KCNIP4: variants seen among roughly 807,000 people sequenced by gnomAD.
The protein encoded by KCNIP4 is Kv channel-interacting protein 4.
In KCNIP4, 12 loss-of-function variants were observed where a neutral mutation model predicts 34.0. That is an observed-to-expected ratio of 0.35 (90% CI 0.23 to 0.57). KCNIP4 has a LOEUF of 0.57. Among genes scored for constraint, KCNIP4 ranks in the 20% least tolerant of loss-of-function variants. KCNIP4 has a pLI of 0.83. For missense variants in KCNIP4, 238 were observed against 311.7 expected (o/e 0.76, Z 1.78); for synonymous variants, 124 against 102.2 (o/e 1.21, Z -1.29).
At chr4:20,995,973 G>A (rs1307389519) in intron 1 of KCNIP4, among the ~76,000 whole-genome samples, 3 of 152,176 alleles carry the variant, frequency 2.0e-5, no homozygotes, top group African/African-American at 7.2e-5. Flanking sequence ...GGCAGGAGAG[G>A]AGTAAGAAAG....
chr4:20,944,945 C>G (rs1560590017), intron 1 of KCNIP4, among the ~76,000 whole-genome samples: 1 of 152,188 alleles, frequency 6.6e-6, no homozygotes, highest in Non-Finnish European at 1.5e-5. Context: ...ATAACTTCCC[C>G]AATGATCCTA....
intron 1 of KCNIP4, among the ~76,000 whole-genome samples, chr4:21,139,797 T>G (rs1751803233): frequency 6.6e-6 from 1 of 152,302 alleles, no homozygotes; most frequent in South Asian, 2.1e-4. Context: ...TCCTACACAC[T>G]AAATACCTCC....
chr4:21,084,211 C>T (rs949923660), intron 1 of KCNIP4, among the ~76,000 whole-genome samples: 1 of 150,050 alleles, frequency 6.7e-6, no homozygotes, highest in African/African-American at 2.5e-5. Context: ...GGTCCATCAG[C>T]GTATCCTAAC....
chr4:21,210,533 A>T (rs765937492), intron 1 of KCNIP4, among the ~76,000 whole-genome samples: 5 of 152,366 alleles, frequency 3.3e-5, no homozygotes, highest in African/African-American at 4.8e-5. Context: ...TAAATTATTT[A>T]AAAAATCTTA....
chr4:21,034,477 G>T (rs1011537651), intron 1 of KCNIP4, among the ~76,000 whole-genome samples: 1 of 152,150 alleles, frequency 6.6e-6, no homozygotes, highest in South Asian at 2.1e-4. Context: ...ATGGTCTTTA[G>T]CTTCAGCCAA....
intron 1 of KCNIP4, among the ~76,000 whole-genome samples, chr4:21,599,826 C>T (rs12504857): frequency 6.6e-6 from 1 of 151,932 alleles, no homozygotes; most frequent in African/African-American, 2.4e-5. Flanking sequence ...GTTTAAGAAG[C>T]CAGGATTTGG....
At chr4:21,094,629 A>T (rs949395437) in intron 1 of KCNIP4, among the ~76,000 whole-genome samples, 8 of 152,172 alleles carry the variant, frequency 5.3e-5, no homozygotes, top group African/African-American at 1.9e-4. Context: ...GACTTGTGTA[A>T]CCAATATGTT....
chr4:21,690,136 T>C (rs1004322419), intron 1 of KCNIP4, among the ~76,000 whole-genome samples: 1 of 146,568 alleles, frequency 6.8e-6, no homozygotes. Context: ...TTTTATATTA[T>C]ATATATATAT....
chr4:21,047,385 G>T (rs562229141), intron 1 of KCNIP4, among the ~76,000 whole-genome samples: 3 of 152,170 alleles, frequency 2.0e-5, no homozygotes, highest in African/African-American at 7.2e-5. Context: ...ATAATGAAAT[G>T]ATAGCTACCA....
chr4:21,381,020 C>T (rs1479911768), intron 1 of KCNIP4, among the ~76,000 whole-genome samples: 1 of 152,126 alleles, frequency 6.6e-6, no homozygotes, highest in African/African-American at 2.4e-5. Context: ...AGTCAAAGCT[C>T]TTGTTTATTG....
At chr4:21,934,953 C>T (rs1369903800) in intron 1 of KCNIP4, among the ~76,000 whole-genome samples, 3 of 152,110 alleles carry the variant, frequency 2.0e-5, no homozygotes, top group Admixed American at 2.0e-4. Context: ...ATGCTTTTGA[C>T]CCTATGTGCA....
At chr4:21,677,064 T>C (rs138832149) in intron 1 of KCNIP4, among the ~76,000 whole-genome samples, 55 of 150,750 alleles carry the variant, frequency 3.6e-4, no homozygotes, top group Admixed American at 1.5e-3. Context: ...ATCAGAGATA[T>C]AGATTATGAA....
intron 1 of KCNIP4, among the ~76,000 whole-genome samples, chr4:21,869,253 T>C (rs555107402): frequency 1.5e-4 from 23 of 152,268 alleles, no homozygotes; most frequent in South Asian, 1.2e-3. Flanking sequence ...CACCATCCTG[T>C]GGTCCTCTTA....
intron 1 of KCNIP4, among the ~76,000 whole-genome samples, chr4:21,703,950 T>G (rs998509444): frequency 6.6e-6 from 1 of 152,146 alleles, no homozygotes; most frequent in Admixed American, 6.6e-5. Context: ...TTCTCAAGTT[T>G]GTGAGGTATG....
chr4:21,483,813 TAAAAATAA>T (rs1731669464), intron 1 of KCNIP4, among the ~76,000 whole-genome samples: 1 of 150,164 alleles, frequency 6.7e-6, no homozygotes, highest in African/African-American at 2.5e-5. Flanking sequence ...AAAATAAAAA[TAAAAATAA>T]AAATAAAAAT....
chr4:21,189,707 T>G (rs766920841), intron 1 of KCNIP4, among the ~76,000 whole-genome samples: 6 of 152,194 alleles, frequency 3.9e-5, no homozygotes, highest in Non-Finnish European at 5.9e-5. Flanking sequence ...AGTTAAAAGG[T>G]TTTGCCACTT....
chr4:21,887,671 C>T (rs1377048903), intron 1 of KCNIP4, among the ~76,000 whole-genome samples: 1 of 152,068 alleles, frequency 6.6e-6, no homozygotes, highest in African/African-American at 2.4e-5. Context: ...GGAAATTATG[C>T]TGAACTCATT....
intron 1 of KCNIP4, among the ~76,000 whole-genome samples, chr4:21,895,562 A>C (rs879059980): frequency 6.6e-6 from 1 of 152,208 alleles, no homozygotes; most frequent in Non-Finnish European, 1.5e-5. Context: ...CAAGAATTAA[A>C]TAAGTCCACA....
intron 1 of KCNIP4, among the ~76,000 whole-genome samples, chr4:20,962,810 G>A (rs1273053808): frequency 3.9e-5 from 6 of 152,262 alleles, no homozygotes; most frequent in Middle Eastern, 3.4e-3. Context: ...TCAGCTTTAC[G>A]ACATTTAAAT....
Sources: gnomAD v4.1 joint callset for allele counts (sites outside exome capture counted in the v4.1 genomes callset) on GRCh38, gnomAD v4.1.1 for gene constraint, MANE v1.5 for transcripts, NCBI Gene and HGNC (gene_info 2026-07-23, HGNC 2026-07-21) for gene names.